AMPH: variants seen among roughly 807,000 people sequenced by gnomAD.
AMPH encodes the protein amphiphysin (Stiff-Mann syndrome with breast cancer 128kD autoantigen).
Under a neutral mutation model 99.1 loss-of-function variants are expected in AMPH, and 49 were observed. The observed-to-expected ratio is 0.49, with a 90% CI of 0.39 to 0.63. The LOEUF is 0.63. Among genes scored for constraint, AMPH ranks in the 20% least tolerant of loss-of-function variants. The probability of loss-of-function intolerance (pLI) is 0.00; values close to 1 mark genes in which losing one functional copy is unlikely to be tolerated. For missense variants in AMPH, 759 were observed against 863.4 expected (o/e 0.88, Z 1.52); for synonymous variants, 314 against 317.3 (o/e 0.99, Z 0.11).
intron 11 of AMPH, among the ~76,000 whole-genome samples, chr7:38,452,430 TTTATCTGTAGA>T (rs1787072695): frequency 6.6e-6 from 1 of 152,248 alleles, no homozygotes; most frequent in Non-Finnish European, 1.5e-5. Context: ...CTTTTATCTA[TTTATCTGTAGA>T]TTATCAAATA....
At chr7:38,571,490 T>C (rs1401235449) in intron 1 of AMPH, among the ~76,000 whole-genome samples, 2 of 134,450 alleles carry the variant, frequency 1.5e-5, no homozygotes, top group Non-Finnish European at 3.1e-5. Flanking sequence ...ATATATATTC[T>C]ATATAAATAT....
At chr7:38,402,587 C>T (rs2110652) in intron 17 of AMPH, among the ~76,000 whole-genome samples, 19,505 of 152,180 alleles carry the variant, frequency 0.13, 1,606 homozygotes, top group Admixed American at 0.23. Flanking sequence ...GAATCACCTG[C>T]TCTGAATCCC....
At chr7:38,529,308 C>T (rs1275256683) in intron 2 of AMPH, among the ~76,000 whole-genome samples, 1 of 152,204 alleles carries the variant, frequency 6.6e-6, no homozygotes, top group Non-Finnish European at 1.5e-5. Flanking sequence ...GTTTCAAGGA[C>T]AAACCAGAGG....
At chr7:38,431,788 A>AC (rs1460216704) in intron 13 of AMPH, among the ~76,000 whole-genome samples, 1 of 152,110 alleles carries the variant, frequency 6.6e-6, no homozygotes, top group Non-Finnish European at 1.5e-5. Flanking sequence ...GAATACAATC[A>AC]CTTTTTTTTA....
At chr7:38,467,753 C>A (rs1210726804) in intron 7 of AMPH, among the ~76,000 whole-genome samples, 2 of 151,236 alleles carry the variant, frequency 1.3e-5, no homozygotes, top group Non-Finnish European at 2.9e-5. Context: ...TGTTAAGTTA[C>A]AACAAGAAGG....
intron 1 of AMPH, among the ~76,000 whole-genome samples, chr7:38,596,567 T>G (rs144455288): frequency 9.2e-4 from 140 of 152,308 alleles, no homozygotes; most frequent in African/African-American, 3.2e-3. Context: ...AACTTGTGCT[T>G]TCATGTTGTA....
intron 1 of AMPH, among the ~76,000 whole-genome samples, chr7:38,607,813 A>G (rs1793486303): frequency 6.6e-6 from 1 of 152,228 alleles, no homozygotes; most frequent in Non-Finnish European, 1.5e-5. Flanking sequence ...GAGACTTCCA[A>G]TACCCAGGAC....
chr7:38,507,114 C>T (rs993888948), intron 2 of AMPH, among the ~76,000 whole-genome samples: 5 of 152,176 alleles, frequency 3.3e-5, no homozygotes, highest in African/African-American at 9.7e-5. Flanking sequence ...TAACTAATTG[C>T]CTTTTCCTTC....
chr7:38,627,654 CAAA>C (rs34354956), intron 1 of AMPH, among the ~76,000 whole-genome samples: 1 of 97,028 alleles, frequency 1.0e-5, no homozygotes, highest in African/African-American at 4.0e-5. Flanking sequence ...GACTCTGTCT[CAAA>C]AAAAAAAAAA....
rs777855014 is a variant in AMPH, at chr7:38,612,084, C to CTTTTTTTTTTTTTTTTTTTT, written c.69+19198_69+19199insAAAAAAAAAAAAAAAAAAAA. Among the ~76,000 whole-genome samples, 2 of 90,860 alleles carry CTTTTTTTTTTTTTTTTTTTT rather than the reference C, an allele frequency of 2.2e-5. 1 individual carries two copies. The allele number at this position is 90,860 out of a possible 152,430, so 59.6% of individuals were successfully genotyped here. A position where few individuals can be genotyped will look rare whatever the true frequency, so the allele number is the denominator to read the frequency against. On this transcript the variant is annotated intron_variant, in intron 1 of 20. Coordinates refer to ENST00000356264, the MANE Select transcript of AMPH (RefSeq NM_001635.4). ...ACTGCTAAGACTGATTTTTTGTCTT[C>CTTTTTTTTTTTTTTTTTTTT]TTCTTTTTTTTTTTTTTTTTTTTTG...
chr7:38,437,312 A>G (rs1484807299), intron 11 of AMPH, among the ~76,000 whole-genome samples: 3 of 152,172 alleles, frequency 2.0e-5, no homozygotes, highest in African/African-American at 7.2e-5. Context: ...AATTTAAATT[A>G]CATGTGTTTA....
chr7:38,603,068 A>T (rs964427896), intron 1 of AMPH, among the ~76,000 whole-genome samples: 1 of 152,138 alleles, frequency 6.6e-6, no homozygotes, highest in Non-Finnish European at 1.5e-5. Flanking sequence ...CATTGCAAAT[A>T]TTGAACCTAC....
chr7:38,514,021 C>T (rs571746039), intron 2 of AMPH, among the ~76,000 whole-genome samples: 3 of 152,226 alleles, frequency 2.0e-5, no homozygotes, highest in Non-Finnish European at 4.4e-5. Context: ...TTGCTGCCTC[C>T]AGGCCTCTAA....
chr7:38,430,317 A>C (rs1785959717), intron 13 of AMPH, among the ~76,000 whole-genome samples: 2 of 152,202 alleles, frequency 1.3e-5, no homozygotes, highest in Non-Finnish European at 2.9e-5. Context: ...GGGTGTTTAG[A>C]TGGAGAATGG....
chr7:38,447,288 G>A lies in AMPH; in HGVS notation c.1018-10900C>T, dbSNP rs188170665. 4.6e-5 allele frequency among the ~76,000 whole-genome samples: 7 copies of A among 152,244 alleles called. No individual in the cohort carries two copies. The East Asian group carries it at 1.4e-3, about 29-fold the overall frequency. On this transcript the variant is annotated intron_variant, in intron 11 of 20. Coordinates refer to ENST00000356264, the MANE Select transcript of AMPH (RefSeq NM_001635.4). ...CTCACCTTGGCCTCCCAAAGTGCTG[G>A]GAGTACAGGCATGAGCTACCACGCC...
At chr7:38,388,536 AT>A (rs200678466) in intron 20 of AMPH, among the ~76,000 whole-genome samples, 76 of 150,820 alleles carry the variant, frequency 5.0e-4, no homozygotes, top group East Asian at 1.2e-3. Context: ...TCATTATGAA[AT>A]TTTTTTTTAA....
At chr7:38,452,233 G>C (rs1377981537) in intron 11 of AMPH, among the ~76,000 whole-genome samples, 1 of 152,092 alleles carries the variant, frequency 6.6e-6, no homozygotes, top group Non-Finnish European at 1.5e-5. Flanking sequence ...GCAAGCTGGG[G>C]ACATAGATCA....
intron 1 of AMPH, among the ~76,000 whole-genome samples, chr7:38,589,665 C>T (rs1003176780): frequency 6.6e-6 from 1 of 152,126 alleles, no homozygotes; most frequent in Non-Finnish European, 1.5e-5. Context: ...AAAATTATAT[C>T]TCTAAGAATA....
At chr7:38,494,549 T>C in intron 3 of AMPH, 22 bp from the exon 4 acceptor site, 9 of 1,597,166 alleles carry the variant, frequency 5.6e-6, no homozygotes, top group Non-Finnish European at 7.7e-6. Flanking sequence ...GAGAAACAAC[T>C]CCCGTTACAC....
Sources: allele counts gnomAD v4.1 joint callset (sites outside exome capture counted in the v4.1 genomes callset), GRCh38; gene constraint gnomAD v4.1.1; transcripts MANE v1.5; gene names NCBI Gene and HGNC (gene_info 2026-07-23, HGNC 2026-07-21).